Variants in FAM81A observed in about 807,000 individuals in gnomAD.
FAM81A encodes the protein family with sequence similarity 81 member A.
FAM81A carries 19 observed loss-of-function variants against 46.7 expected under a neutral mutation model. The ratio of observed to expected loss-of-function variants is 0.41; its 90% CI spans 0.28 to 0.60. The LOEUF is 0.60. FAM81A is among the 20% of genes least tolerant of loss of function. FAM81A has a pLI of 0.34. For missense variants in FAM81A, 377 were observed against 453.5 expected (o/e 0.83, Z 1.53); for synonymous variants, 183 against 152.9 (o/e 1.20, Z -1.45).
At chr15:59,433,131 A>C (rs1596468206) in intron 2 of FAM81A, among the ~76,000 whole-genome samples, 1 of 67,914 alleles carries the variant, frequency 1.5e-5, no homozygotes, top group African/African-American at 6.1e-5. Flanking sequence ...ACAGAGCGAG[A>C]CTCCGTCTCA....
intron 6 of FAM81A, among the ~76,000 whole-genome samples, chr15:59,513,479 G>A (rs925291480): frequency 3.9e-5 from 6 of 152,146 alleles, no homozygotes; most frequent in African/African-American, 4.8e-5. Context: ...TGCCTGTGCC[G>A]CGTACTCCTC....
rs1269761093 is a variant in FAM81A at position 59,521,737 on chromosome 15, A to AT, written c.*368dup. 25 of 161,106 alleles carry AT rather than the reference A, an allele frequency of 1.6e-4. No homozygotes were observed. The highest frequency in any genetic ancestry group is 4.0e-4 in the South Asian group (2 of 5,012). The allele number at this position is 161,106 out of a possible 1,614,324, so 10.0% of individuals were successfully genotyped here. The stretch of plus-strand genomic sequence containing the variant: ...TACTATTTTGAAAAATGTCATGGGG[A>AT]TTTTTTTTTAATTAAGAAACTAATG... On this transcript the variant is annotated 3_prime_UTR_variant, in exon 9 of 9. Coordinates refer to ENST00000288228, the MANE Select transcript of FAM81A (RefSeq NM_152450.3).
chr15:59,456,657 C>T (rs748304189), intron 1 of FAM81A, among the ~76,000 whole-genome samples: 1 of 152,164 alleles, frequency 6.6e-6, no homozygotes, highest in African/African-American at 2.4e-5. Flanking sequence ...CTCACTGTAG[C>T]CTCAGCCTCC....
At chr15:59,436,516 C>T (rs2081244304), upstream of FAM81A, among the ~76,000 whole-genome samples, 1 of 152,174 alleles carries the variant, frequency 6.6e-6, no homozygotes, top group African/African-American at 2.4e-5. Flanking sequence ...CACTGAAAGG[C>T]ACCCCGATGG....
intron 2 of FAM81A, among the ~76,000 whole-genome samples, chr15:59,430,668 T>C (rs1013695020): frequency 6.6e-6 from 1 of 152,202 alleles, no homozygotes; most frequent in African/African-American, 2.4e-5. Flanking sequence ...ATGTCACTCA[T>C]TGCTTTAGAA....
At chr15:59,459,314 A>G (rs2081521538) in intron 2 of FAM81A, among the ~76,000 whole-genome samples, 1 of 152,214 alleles carries the variant, frequency 6.6e-6, no homozygotes, top group South Asian at 2.1e-4. Context: ...TACTTTTTAA[A>G]TGAATCGTTA....
rs1205843348 is a variant in FAM81A at position 59,522,304 on chromosome 15, A to G, written c.*926A>G. On this transcript the variant is annotated 3_prime_UTR_variant, in exon 9 of 9. Transcript: ENST00000288228. ...TTTGTGCCTTGGTTTTATCATGTCA[A>G]TGCACTGTACTCTGTAAAAGTTTTG... The G allele has an allele frequency of 6.6e-6, 1 of 152,666 alleles. No individual in the cohort carries two copies. Among genetic ancestry groups the G allele is most frequent in the Non-Finnish European group, 1.5e-5 (1 of 68,030 alleles). The allele number at this position is 152,666 out of a possible 1,614,324, so 9.5% of individuals were successfully genotyped here.
chr15:59,403,582 A>G (rs1290255785), intron 2 of FAM81A, among the ~76,000 whole-genome samples: 4 of 152,208 alleles, frequency 2.6e-5, no homozygotes, highest in African/African-American at 9.7e-5. Flanking sequence ...GCCGAAGCAG[A>G]TGAGTACAGC....
chr15:59,511,945 G>A (rs564450542), intron 6 of FAM81A, among the ~76,000 whole-genome samples: 82 of 152,088 alleles, frequency 5.4e-4, no homozygotes, highest in African/African-American at 1.9e-3. Flanking sequence ...CACTGCACCC[G>A]GCCCATAACA....
intron 4 of FAM81A, among the ~76,000 whole-genome samples, chr15:59,497,051 A>G (rs961273401): frequency 1.3e-5 from 2 of 148,794 alleles, no homozygotes; most frequent in Non-Finnish European, 3.0e-5. Flanking sequence ...GCTTGAACCT[A>G]GAGGTTGCAG....
chr15:59,426,477 G>T (rs2081195314), intron 2 of FAM81A, among the ~76,000 whole-genome samples: 1 of 152,198 alleles, frequency 6.6e-6, no homozygotes, highest in Non-Finnish European at 1.5e-5. Flanking sequence ...GCCAGGCGTG[G>T]TGGCGCATGC....
intron 2 of FAM81A, among the ~76,000 whole-genome samples, chr15:59,418,157 T>C (rs774401456): frequency 6.6e-6 from 1 of 152,216 alleles, no homozygotes; most frequent in African/African-American, 2.4e-5. Flanking sequence ...AAGCTGACAC[T>C]TTCTTCTCTT....
chr15:59,476,057 A>G (rs1431525158), intron 3 of FAM81A, among the ~76,000 whole-genome samples: 1 of 152,144 alleles, frequency 6.6e-6, no homozygotes, highest in Non-Finnish European at 1.5e-5. Context: ...TGAATTGTAG[A>G]TGGTCGTCTT....
chr15:59,477,669 T>G (rs2081790378), intron 3 of FAM81A, among the ~76,000 whole-genome samples: 1 of 152,186 alleles, frequency 6.6e-6, no homozygotes, highest in Admixed American at 6.5e-5. Context: ...GTCTAAGACA[T>G]AGTAGGAGCT....
chr15:59,433,655 A>G (rs181310714), upstream of FAM81A, among the ~76,000 whole-genome samples: 75 of 152,320 alleles, frequency 4.9e-4, 1 homozygote, highest in African/African-American at 1.3e-3. Flanking sequence ...TAAAAGAGGA[A>G]AAAAGGAATT....
chr15:59,510,288 C>T (rs1412323287), intron 6 of FAM81A, among the ~76,000 whole-genome samples: 2 of 151,284 alleles, frequency 1.3e-5, no homozygotes, highest in Non-Finnish European at 2.9e-5. Flanking sequence ...ATTGCTTGAA[C>T]CAAGGAGGCA....
At chr15:59,430,791 G>A (rs1346613161) in intron 2 of FAM81A, among the ~76,000 whole-genome samples, 2 of 152,154 alleles carry the variant, frequency 1.3e-5, no homozygotes, top group African/African-American at 2.4e-5. Flanking sequence ...AAAAGAGATG[G>A]TTTGAGTGTG....
At chr15:59,440,478 T>G (rs745360480) in intron 1 of FAM81A, among the ~76,000 whole-genome samples, 3 of 152,232 alleles carry the variant, frequency 2.0e-5, no homozygotes, top group Non-Finnish European at 2.9e-5. Context: ...CTTCATTCTC[T>G]TCTCTGCTTT....
intron 2 of FAM81A, among the ~76,000 whole-genome samples, chr15:59,421,335 A>G (rs370276506): frequency 7.2e-5 from 11 of 152,316 alleles, no homozygotes; most frequent in African/African-American, 2.6e-4. Context: ...ACTGTAGGTC[A>G]GAAAGGTCCT....
Sources: gnomAD v4.1 joint callset for allele counts (sites outside exome capture counted in the v4.1 genomes callset) on GRCh38, gnomAD v4.1.1 for gene constraint, MANE v1.5 for transcripts, NCBI Gene and HGNC (gene_info 2026-07-23, HGNC 2026-07-21) for gene names.